The following GPC6 variants were observed in gnomAD, a reference collection of about 807,000 sequenced individuals.
GPC6 encodes glypican-6.
Under a neutral mutation model 55.2 loss-of-function variants are expected in GPC6, and 14 were observed. The ratio of observed to expected loss-of-function variants is 0.25; its 90% CI spans 0.17 to 0.40. GPC6 has a LOEUF of 0.40. Ranked by LOEUF, GPC6 falls within the 10% of genes least tolerant of loss-of-function variation. The pLI, the probability that GPC6 is intolerant of heterozygous loss-of-function variation, is 1.00. For synonymous variants in GPC6, 278 were observed against 259.6 expected, an observed-to-expected ratio of 1.07 and a Z score of -0.68; for missense variants, 641 against 708.5, an observed-to-expected ratio of 0.90 and a Z score of 1.08.
At chr13:93,533,564 A>G (rs1881945446) in intron 1 of GPC6, among the ~76,000 whole-genome samples, 2 of 152,322 alleles carry the variant, frequency 1.3e-5, no homozygotes, top group South Asian at 2.1e-4. Context: ...CCAACTCTGA[A>G]ATAAATATTG....
At chr13:93,914,251 GTTCCCC>G (rs1877170686) in intron 3 of GPC6, among the ~76,000 whole-genome samples, 2 of 151,372 alleles carry the variant, frequency 1.3e-5, no homozygotes, top group Admixed American at 6.6e-5. Context: ...GGTGTGTGAT[GTTCCCC>G]TTCCTGTGTC....
intron 4 of GPC6, among the ~76,000 whole-genome samples, chr13:94,088,166 G>T (rs555254587): frequency 6.6e-6 from 1 of 152,118 alleles, no homozygotes; most frequent in African/African-American, 2.4e-5. Flanking sequence ...TTTCCCCTAG[G>T]AGCTCTAGTT....
At chr13:93,557,237 T>A (rs1340480026) in intron 2 of GPC6, among the ~76,000 whole-genome samples, 1 of 152,154 alleles carries the variant, frequency 6.6e-6, no homozygotes, top group Non-Finnish European at 1.5e-5. Context: ...ATTTCCTATT[T>A]TCTGGGTATA....
intron 1 of GPC6, among the ~76,000 whole-genome samples, chr13:93,271,404 G>C (rs1399262348): frequency 6.6e-6 from 1 of 151,946 alleles, no homozygotes; most frequent in Non-Finnish European, 1.5e-5. Flanking sequence ...TTTTCATTCT[G>C]AAACAACTAA....
chr13:93,804,940 T>C (rs995766810), intron 2 of GPC6, among the ~76,000 whole-genome samples: 6 of 152,204 alleles, frequency 3.9e-5, no homozygotes, highest in Non-Finnish European at 5.9e-5. Context: ...CCAAAGAACA[T>C]AGCAGCAGTT....
At chr13:93,282,587 A>T (rs1012625548) in intron 1 of GPC6, among the ~76,000 whole-genome samples, 1 of 152,112 alleles carries the variant, frequency 6.6e-6, no homozygotes, top group African/African-American at 2.4e-5. Flanking sequence ...AGAAGAACAG[A>T]GCAAATAGGG....
At chr13:93,667,568 G>A (rs981581284) in intron 2 of GPC6, among the ~76,000 whole-genome samples, 1 of 151,924 alleles carries the variant, frequency 6.6e-6, no homozygotes, top group African/African-American at 2.4e-5. Context: ...GAGTAGCTGG[G>A]ATTACAGGTG....
intron 1 of GPC6, among the ~76,000 whole-genome samples, chr13:93,375,612 C>T (rs1438267327): frequency 2.6e-5 from 4 of 152,200 alleles, no homozygotes; most frequent in Admixed American, 6.5e-5. Context: ...TCACTCCTCC[C>T]GATGGTAGCA....
At chr13:93,986,569 G>T (rs1017729373) in intron 3 of GPC6, among the ~76,000 whole-genome samples, 1 of 152,104 alleles carries the variant, frequency 6.6e-6, no homozygotes, top group African/African-American at 2.4e-5. Context: ...GAAAAGTAAA[G>T]ACTGTGTATA....
chr13:93,896,319 A>G (rs963905348), intron 3 of GPC6, among the ~76,000 whole-genome samples: 1 of 152,086 alleles, frequency 6.6e-6, no homozygotes, highest in Non-Finnish European at 1.5e-5. Context: ...TTTAAGCCGT[A>G]CAGACGTTTT....
chr13:93,962,571 A>T (rs1440046333), intron 3 of GPC6, among the ~76,000 whole-genome samples: 1 of 152,186 alleles, frequency 6.6e-6, no homozygotes, highest in Non-Finnish European at 1.5e-5. Context: ...GAATAAACAC[A>T]TAAATAAACA....
At chr13:93,945,559 G>A (rs1449708292) in intron 3 of GPC6, among the ~76,000 whole-genome samples, 1 of 152,152 alleles carries the variant, frequency 6.6e-6, no homozygotes, top group African/African-American at 2.4e-5. Context: ...GCTTTCCCTG[G>A]TTCCTCCTGA....
chr13:93,533,191 A>C (rs994647328), intron 1 of GPC6, among the ~76,000 whole-genome samples: 1 of 152,180 alleles, frequency 6.6e-6, no homozygotes. Context: ...GAACTGGAAC[A>C]TACATTTTAA....
chr13:93,293,213 G>A (rs914621058), intron 1 of GPC6, among the ~76,000 whole-genome samples: 5 of 151,388 alleles, frequency 3.3e-5, no homozygotes, highest in South Asian at 2.1e-4. Flanking sequence ...AGTTCCTTTC[G>A]TGAGTAGCTG....
At chr13:93,900,421 G>T (rs1876280338) in intron 3 of GPC6, among the ~76,000 whole-genome samples, 1 of 152,020 alleles carries the variant, frequency 6.6e-6, no homozygotes, top group Non-Finnish European at 1.5e-5. Flanking sequence ...AAATTCTGTA[G>T]CCATAGAACA....
At chr13:93,530,141 A>G (rs890228962) in intron 1 of GPC6, among the ~76,000 whole-genome samples, 1 of 152,178 alleles carries the variant, frequency 6.6e-6, no homozygotes, top group East Asian at 1.9e-4. Flanking sequence ...CTTTCGTAAC[A>G]GTAGCATAGA....
intron 1 of GPC6, among the ~76,000 whole-genome samples, chr13:93,294,818 C>G (rs1878430182): frequency 6.6e-6 from 1 of 152,044 alleles, no homozygotes; most frequent in Admixed American, 6.6e-5. Flanking sequence ...AATGCTTCAG[C>G]CTCACGTATC....
chr13:94,142,423 G>A (rs923169039), intron 4 of GPC6, among the ~76,000 whole-genome samples: 1 of 152,142 alleles, frequency 6.6e-6, no homozygotes, highest in Non-Finnish European at 1.5e-5. Context: ...ATACGTTCTA[G>A]TAAACCTTTT....
intron 1 of GPC6, among the ~76,000 whole-genome samples, chr13:93,354,610 C>T (rs373919506): frequency 2.1e-4 from 32 of 151,536 alleles, no homozygotes; most frequent in East Asian, 1.6e-3. Context: ...GTGATCCGCC[C>T]GCCTCGGCCT....
Sources: allele counts gnomAD v4.1 joint callset (sites outside exome capture counted in the v4.1 genomes callset), GRCh38; gene constraint gnomAD v4.1.1; transcripts MANE v1.5; gene names NCBI Gene and HGNC (gene_info 2026-07-23, HGNC 2026-07-21).